Variants in SFTPB observed in about 807,000 individuals in gnomAD.
The protein encoded by SFTPB is surfactant protein B.
Under a neutral mutation model 51.0 loss-of-function variants are expected in SFTPB, and 32 were observed. That is an observed-to-expected ratio of 0.63 (90% CI 0.47 to 0.84). SFTPB has a LOEUF of 0.84. Ranked by LOEUF, SFTPB falls within the 40% of genes least tolerant of loss-of-function variation. SFTPB has a pLI of 0.00. For missense variants in SFTPB, 431 were observed against 491.2 expected, an observed-to-expected ratio of 0.88 and a Z score of 1.16; for synonymous variants, 211 against 208.5, an observed-to-expected ratio of 1.01 and a Z score of -0.10.
chr2:85,665,110 C>G (rs1177645095), intron 6 of SFTPB, among the ~76,000 whole-genome samples, 179 bp downstream of exon 6: 1 of 152,192 alleles, frequency 6.6e-6, no homozygotes, highest in East Asian at 1.9e-4. Flanking sequence ...CCTACCAGGC[C>G]TGAGCCTGAG....
rs963795880 is a variant in SFTPB at position 85,657,608 on chromosome 2, G to A, written c.*2094C>T. 6 of 152,150 alleles carry A rather than the reference G, an allele frequency of 3.9e-5. No individual in the cohort carries two copies. The highest frequency in any genetic ancestry group is 1.9e-4 in the East Asian group (1 of 5,184). 9.4% of individuals were successfully genotyped at this position (152,150 alleles called of 1,614,324 possible). A position where few individuals can be genotyped will look rare whatever the true frequency, so the allele number is the denominator to read the frequency against. ...TCAGTGTCAAAACACACACCCTGCC[G>A]TAGCTCTCTCCTGGGCTAGGTGGGA... On this transcript the variant is annotated 3_prime_UTR_variant, in exon 11 of 11. Transcript: ENST00000519937.
chr2:85,666,831 G>T, intron 3 of SFTPB, 89 bp from the exon 4 acceptor site: 1 of 1,553,388 alleles, frequency 6.4e-7, no homozygotes. Context: ...AGGGCAGACT[G>T]ACCCCTAATC....
rs144831319 is a variant in SFTPB at position 85,661,483 on chromosome 2, G to C, written c.1136C>G (p.Pro379Arg). 4.5e-4 allele frequency: 733 copies of C among 1,611,688 alleles called. 7 individuals carry two copies. In the South Asian group the frequency reaches 5.8e-3, roughly 13 times the overall value. The change falls in exon 10 of 11, where the codon CCC becomes CGC. Residue 379 changes from proline (P) to arginine (R), a missense_variant. Physicochemically the swap from Pro to Arg is moderately radical, Grantham distance 103. Coordinates refer to ENST00000519937, the MANE Select transcript of SFTPB (RefSeq NM_000542.5). ...ACAGCTGAGTTCTCATCAAAGGTCGGGGCTGTGGATACACTGGAGAGGGCT... is the reference window on the plus strand; with the variant it reads ...ACAGCTGAGTTCTCATCAAAGGTCGCGGCTGTGGATACACTGGAGAGGGCT... ...MSSPLQCIHSPDL is the reference protein window; with the variant it reads ...MSSPLQCIHSRDL
chr2:85,659,021 A>G lies in SFTPB; in HGVS notation c.*681T>C, dbSNP rs1380266659. On this transcript the variant is annotated 3_prime_UTR_variant, in exon 11 of 11. Coordinates refer to ENST00000519937, the MANE Select transcript of SFTPB (RefSeq NM_000542.5). ...CAATCAAAAGCTGGAAGTCCACCTTACAGAAAGACAAAAAGAAACCCCTTT... is the reference window on the plus strand; with the variant it reads ...CAATCAAAAGCTGGAAGTCCACCTTGCAGAAAGACAAAAAGAAACCCCTTT... The G allele has an allele frequency of 6.6e-6, 1 of 152,000 alleles. No homozygotes were observed. The highest frequency in any genetic ancestry group is 1.5e-5 in the Non-Finnish European group (1 of 68,018). The allele number at this position is 152,000 out of a possible 1,614,324, so 9.4% of individuals were successfully genotyped here.
chr2:85,667,408 C>A (rs891407264), intron 2 of SFTPB, among the ~76,000 whole-genome samples: 4 of 151,612 alleles, frequency 2.6e-5, no homozygotes, highest in Non-Finnish European at 5.9e-5. Context: ...CATCCCATCC[C>A]ATCCCATCCA....
Position 85,662,316 on chromosome 2 carries a change from A to C in SFTPB, c.1003-207T>G. The C allele has an allele frequency of 2.1e-6, 3 of 1,422,844 alleles. No individual in the cohort carries two copies. The South Asian group carries it at 4.4e-5, about 21-fold the overall frequency. 88.1% of individuals were successfully genotyped at this position (1,422,844 alleles called of 1,614,324 possible). A position where few individuals can be genotyped will look rare whatever the true frequency, so the allele number is the denominator to read the frequency against. The stretch of plus-strand genomic sequence containing the variant: ...GACTTCCATCAGAAAAGCAGGCGAC[A>C]CTGGAGACGGAGGACTCAGGCAGAG... On this transcript the variant is annotated intron_variant, in intron 8 of 10. Coordinates refer to ENST00000519937, the MANE Select transcript of SFTPB (RefSeq NM_000542.5).
chr2:85,665,369 C>T lies in SFTPB; in HGVS notation c.592G>A (p.Glu198Lys), dbSNP rs747957177. ...RPGPHTQDLSEQQFPIPLPYC... is the reference protein window; with the variant it reads ...RPGPHTQDLSKQQFPIPLPYC... ...GGGAGAGGAATGGGGAATTGCTGCT[C>T]GGAGAGATCCTGGGGAAAGAATCAG... Residue 198 changes from glutamate to lysine, a missense_variant, in exon 6 of 11, where the codon GAG becomes AAG. Coordinates refer to ENST00000519937, the MANE Select transcript of SFTPB (RefSeq NM_000542.5). 31 of 1,613,744 alleles carry T rather than the reference C, an allele frequency of 1.9e-5. No individual in the cohort carries two copies. Among genetic ancestry groups the T allele is most frequent in the Admixed American group, 1.7e-5 (1 of 59,998 alleles).
intron 4 of SFTPB, 119 bp downstream of exon 4, chr2:85,666,498 T>TGG: frequency 1.1e-6 from 1 of 872,238 alleles, no homozygotes; most frequent in Non-Finnish European, 1.7e-6. Flanking sequence ...GGGTGCTGTG[T>TGG]GTGTGTGTGT....
intron 4 of SFTPB, 69 bp from the exon 5 acceptor site, chr2:85,665,863 A>C: frequency 6.7e-7 from 1 of 1,483,200 alleles, no homozygotes; most frequent in Non-Finnish European, 9.4e-7. Context: ...AGGCCGGCCC[A>C]AGGGCTCAGG....
Position 85,661,454 on chromosome 2 carries a change from C to A in SFTPB, c.*19G>T, listed in dbSNP as rs768460155. The A allele has an allele frequency of 2.0e-5, 32 of 1,606,284 alleles. No homozygotes were observed. Among genetic ancestry groups the A allele is most frequent in the Non-Finnish European group, 2.6e-5 (30 of 1,176,280 alleles). ...CCCGCAACTGGGGGCCTGGACTCAC[C>A]TGGACAGCTGAGTTCTCATCAAAGG... On this transcript the variant is annotated splice_region_variant and 3_prime_UTR_variant, in exon 10 of 11. Coordinates refer to ENST00000519937, the MANE Select transcript of SFTPB (RefSeq NM_000542.5).
At position 85,663,545 on chromosome 2, in the gene SFTPB, T is replaced by C. The variant is rs867094444; in HGVS notation, c.857-54A>G. The C allele has an allele frequency of 4.5e-5, 72 of 1,606,656 alleles. No homozygotes were observed. In the Middle Eastern group the frequency reaches 1.5e-3, roughly 33 times the overall value. ...AGGCAAGGCCACCCTACAGAGGTGT[T>C]TGGTTTCTGTCCTCCTTGGTGCATT... On this transcript the variant is annotated intron_variant, in intron 7 of 10. Transcript: ENST00000519937.
At chr2:85,665,473 TC>T (rs966678045) in intron 5 of SFTPB, 95 bp from the exon 6 acceptor site, 1 of 1,434,830 alleles carries the variant, frequency 7.0e-7, no homozygotes, top group Admixed American at 1.7e-5. Flanking sequence ...CTCTCCCTCC[TC>T]CCTTAGGCCC....
At chr2:85,665,264 C>T (rs753916026) in intron 6 of SFTPB, 25 bp downstream of exon 6, 1 of 1,568,414 alleles carries the variant, frequency 6.4e-7, no homozygotes, top group Non-Finnish European at 8.8e-7. Flanking sequence ...TGCTCCTGGG[C>T]TCTGTGAGGC....
upstream of SFTPB, chr2:85,668,272 TCA>T: frequency 7.9e-7 from 1 of 1,271,974 alleles, no homozygotes; most frequent in African/African-American, 1.5e-5. Context: ...GGCAGCGACC[TCA>T]GTGTTTGTCT....
chr2:85,665,588 T>G lies in SFTPB; in HGVS notation c.582+18A>C. Reference sequence around the variant, plus strand: ...CCCTCTGGATCTCCACTTTACTGGCTGTGGGGGCCTCCCTCACCTGTGTGT... The same window carrying G: ...CCCTCTGGATCTCCACTTTACTGGCGGTGGGGGCCTCCCTCACCTGTGTGT... On this transcript the variant is annotated intron_variant, in intron 5 of 10. Coordinates refer to ENST00000519937, the MANE Select transcript of SFTPB (RefSeq NM_000542.5). 1 of 1,612,260 alleles carries G rather than the reference T, an allele frequency of 6.2e-7. No individual in the cohort carries two copies. The highest frequency in any genetic ancestry group is 1.7e-5 in the Admixed American group (1 of 60,000).
At chr2:85,666,811 A>T in intron 3 of SFTPB, 69 bp from the exon 4 acceptor site, 1 of 1,599,216 alleles carries the variant, frequency 6.3e-7, no homozygotes, top group Non-Finnish European at 8.6e-7. Context: ...CCTGGACACA[A>T]GGCCCCACCA....
intron 5 of SFTPB, 24 bp from the exon 6 acceptor site, chr2:85,665,402 C>T (rs1289640769): frequency 3.8e-6 from 6 of 1,593,738 alleles, no homozygotes; most frequent in South Asian, 1.1e-5. Flanking sequence ...CAGGTGGAGG[C>T]CAGGCTGGGT....
chr2:85,662,294 T>G, intron 8 of SFTPB, 185 bp from the exon 9 acceptor site: 2 of 1,449,534 alleles, frequency 1.4e-6, no homozygotes, highest in Admixed American at 2.4e-5. Flanking sequence ...AATGGAGGAC[T>G]TCCATCAGAA....
upstream of SFTPB, chr2:85,668,315 C>T (rs950485505): frequency 2.5e-6 from 2 of 805,464 alleles, no homozygotes; most frequent in South Asian, 3.1e-5. Context: ...GGTGCTTGAT[C>T]CCACCTTTTC....
Sources: gnomAD v4.1 joint callset for allele counts (sites outside exome capture counted in the v4.1 genomes callset) on GRCh38, gnomAD v4.1.1 for gene constraint, MANE v1.5 for transcripts, NCBI Gene and HGNC (gene_info 2026-07-23, HGNC 2026-07-21) for gene names.